PPA2: variants seen among roughly 807,000 people sequenced by gnomAD.
PPA2 encodes the protein inorganic pyrophosphatase 2, also known as inorganic pyrophosphatase 2, mitochondrial.
PPA2 carries 48 observed loss-of-function variants against 49.5 expected under a neutral mutation model. The observed-to-expected ratio is 0.97, with a 90% CI of 0.77 to 1.23. The LOEUF (loss-of-function observed/expected upper bound fraction) is 1.23, where lower values mean the gene tolerates loss of function less well. Ranked by LOEUF, PPA2 falls within the 50% of genes most tolerant of loss-of-function variation. The pLI is 0.00. For missense variants in PPA2, 429 were observed against 410.1 expected, an observed-to-expected ratio of 1.05 and a Z score of -0.40; for synonymous variants, 131 against 139.9, an observed-to-expected ratio of 0.94 and a Z score of 0.45.
At chr4:105,464,911 A>G (rs1347561821) in intron 1 of PPA2, among the ~76,000 whole-genome samples, 2 of 151,994 alleles carry the variant, frequency 1.3e-5, no homozygotes, top group African/African-American at 4.8e-5. Context: ...AACATCAATA[A>G]CCTGACTTTT....
intron 7 of PPA2, among the ~76,000 whole-genome samples, chr4:105,400,262 C>A (rs531979713): frequency 6.6e-6 from 1 of 151,498 alleles, no homozygotes; most frequent in African/African-American, 2.4e-5. Flanking sequence ...GTTCCTTGAA[C>A]GAACGGTTTT....
At chr4:105,456,947 C>T (rs1345836038) in intron 1 of PPA2, among the ~76,000 whole-genome samples, 1 of 152,046 alleles carries the variant, frequency 6.6e-6, no homozygotes, top group African/African-American at 2.4e-5. Flanking sequence ...CCGGCTAAAC[C>T]ATATTTGGGT....
chr4:105,473,302 G>A (rs1277772333), intron 1 of PPA2: 2 of 204,422 alleles, frequency 9.8e-6, no homozygotes, highest in Non-Finnish European at 2.0e-5. Flanking sequence ...CGAGGCTTTG[G>A]ATGGTGGATC....
rs1553923137 is a variant in PPA2, at chr4:105,369,672, A to ACTTGCGGAAAAAGAGT, written c.*52_*53insACTCTTTTTCCGCAAG. 21 of 1,499,234 alleles carry ACTTGCGGAAAAAGAGT rather than the reference A, an allele frequency of 1.4e-5. No individual in the cohort carries two copies. The East Asian group carries it at 4.8e-4, about 34-fold the overall frequency. The allele number at this position is 1,499,234 out of a possible 1,614,324, so 92.9% of individuals were successfully genotyped here. A position where few individuals can be genotyped will look rare whatever the true frequency, so the allele number is the denominator to read the frequency against. On this transcript the variant is annotated 3_prime_UTR_variant, in exon 12 of 12. Transcript: ENST00000341695. ...GCTCATAGACCCCCTTGTCTCTAGC[A>ACTTGCGGAAAAAGAGT]CTTGGAGTCCTTAGAGATGGGAATC... is the stretch of plus-strand genomic sequence containing the variant.
chr4:105,469,663 A>C (rs892232413), intron 1 of PPA2, among the ~76,000 whole-genome samples: 1 of 152,240 alleles, frequency 6.6e-6, no homozygotes, highest in Non-Finnish European at 1.5e-5. Context: ...TTCCATATAG[A>C]TCACACAATT....
intron 1 of PPA2, among the ~76,000 whole-genome samples, chr4:105,466,703 C>T (rs746316961): frequency 3.9e-5 from 6 of 152,188 alleles, no homozygotes; most frequent in Admixed American, 2.0e-4. Flanking sequence ...GACAAATGCA[C>T]GGTTTGACCT....
At chr4:105,413,951 T>C (rs925697435) in intron 7 of PPA2, among the ~76,000 whole-genome samples, 1 of 152,222 alleles carries the variant, frequency 6.6e-6, no homozygotes, top group Non-Finnish European at 1.5e-5. Context: ...AAATAGAATG[T>C]CTGCAACCTA....
intron 2 of PPA2, among the ~76,000 whole-genome samples, chr4:105,454,734 C>T (rs79316552): frequency 1.3e-5 from 2 of 152,238 alleles, no homozygotes; most frequent in Non-Finnish European, 2.9e-5. Context: ...AACCACCATG[C>T]GTATCCATTT....
intron 4 of PPA2, among the ~76,000 whole-genome samples, 176 bp from the exon 5 acceptor site, chr4:105,446,678 T>C (rs772369944): frequency 2.6e-5 from 4 of 152,194 alleles, no homozygotes; most frequent in South Asian, 2.1e-4. Flanking sequence ...TATAGCACTA[T>C]ATGAGAAAAA....
intron 1 of PPA2, among the ~76,000 whole-genome samples, chr4:105,459,198 G>C (rs1189439386): frequency 3.9e-5 from 6 of 152,020 alleles, no homozygotes; most frequent in Non-Finnish European, 7.4e-5. Flanking sequence ...AAATGAGAAA[G>C]AGCACACAAA....
At chr4:105,406,119 A>G (rs1413345494) in intron 7 of PPA2, among the ~76,000 whole-genome samples, 1 of 151,560 alleles carries the variant, frequency 6.6e-6, no homozygotes, top group African/African-American at 2.4e-5. Context: ...AACTTCAAAA[A>G]AAAAAAAAAA....
intron 1 of PPA2, among the ~76,000 whole-genome samples, chr4:105,468,053 A>C (rs1271575474): frequency 1.3e-5 from 2 of 152,234 alleles, no homozygotes; most frequent in African/African-American, 4.8e-5. Context: ...CTCTGGCTTT[A>C]TGGGCCAAAT....
At chr4:105,402,091 A>T (rs1396207412) in intron 7 of PPA2, among the ~76,000 whole-genome samples, 2 of 152,150 alleles carry the variant, frequency 1.3e-5, no homozygotes, top group Non-Finnish European at 1.5e-5. Context: ...ATTCAATAAA[A>T]CATTGCTAAA....
At chr4:105,435,893 G>GAA (rs1401110826) in intron 6 of PPA2, among the ~76,000 whole-genome samples, 2 of 152,006 alleles carry the variant, frequency 1.3e-5, no homozygotes, top group Non-Finnish European at 2.9e-5. Flanking sequence ...CTAAGAACCA[G>GAA]AATAAGACAA....
intron 1 of PPA2, among the ~76,000 whole-genome samples, chr4:105,471,340 T>C (rs1723515897): frequency 6.6e-6 from 1 of 152,232 alleles, no homozygotes; most frequent in South Asian, 2.1e-4. Flanking sequence ...TGTCTCACTC[T>C]TTCTACAAAG....
intron 10 of PPA2, among the ~76,000 whole-genome samples, chr4:105,379,088 T>C (rs930980033): frequency 8.6e-5 from 13 of 152,044 alleles, no homozygotes; most frequent in African/African-American, 2.9e-4. Flanking sequence ...GCAGAACTGA[T>C]ATCAAAATAC....
At chr4:105,392,172 T>C (rs184091437) in intron 9 of PPA2, among the ~76,000 whole-genome samples, 92 of 152,258 alleles carry the variant, frequency 6.0e-4, no homozygotes, top group African/African-American at 2.1e-3. Flanking sequence ...AAGTTTAAAG[T>C]TTTCTTAGGT....
chr4:105,423,738 G>A (rs1255408955), intron 7 of PPA2, among the ~76,000 whole-genome samples: 17 of 152,154 alleles, frequency 1.1e-4, no homozygotes. Context: ...ATTTGTACAA[G>A]AAGAGACAAA....
At chr4:105,386,459 C>G in intron 10 of PPA2, 108 bp downstream of exon 10, 1 of 882,462 alleles carries the variant, frequency 1.1e-6, no homozygotes, top group South Asian at 2.1e-5. Flanking sequence ...AAACTTTATG[C>G]TTCTCAAAAG....
Sources: gnomAD v4.1 joint callset for allele counts (sites outside exome capture counted in the v4.1 genomes callset) on GRCh38, gnomAD v4.1.1 for gene constraint, MANE v1.5 for transcripts, NCBI Gene and HGNC (gene_info 2026-07-23, HGNC 2026-07-21) for gene names.